Variants in DLG2 observed in about 807,000 individuals in gnomAD.
DLG2 encodes the protein disks large homolog 2.
DLG2 carries 45 observed loss-of-function variants against 132.5 expected under a neutral mutation model. The ratio of observed to expected loss-of-function variants is 0.34; its 90% CI spans 0.27 to 0.44. DLG2 has a LOEUF of 0.44. Among genes scored for constraint, DLG2 ranks in the 20% least tolerant of loss-of-function variants. The pLI, the probability that DLG2 is intolerant of heterozygous loss-of-function variation, is 1.00. For missense variants in DLG2, 1,045 were observed against 1,196.9 expected (o/e 0.87, Z 1.87); for synonymous variants, 424 against 419.6 (o/e 1.01, Z -0.13).
chr11:84,335,886 T>C (rs972241605), intron 7 of DLG2, among the ~76,000 whole-genome samples: 10 of 152,214 alleles, frequency 6.6e-5, no homozygotes, highest in African/African-American at 2.4e-4. Context: ...ATGATGATTA[T>C]GATGAAAATG....
chr11:84,824,635 A>G (rs1037869693), intron 6 of DLG2, among the ~76,000 whole-genome samples: 1 of 151,844 alleles, frequency 6.6e-6, no homozygotes, highest in African/African-American at 2.4e-5. Context: ...ACTTGGTCAT[A>G]TTGTTCCCAT....
intron 10 of DLG2, among the ~76,000 whole-genome samples, chr11:84,078,912 A>AC (rs11460110): frequency 0.87 from 132,083 of 152,112 alleles, 57,634 homozygotes; most frequent in Middle Eastern, 0.95. Context: ...GGCATCTTAA[A>AC]TTAACATTGT....
intron 19 of DLG2, among the ~76,000 whole-genome samples, chr11:83,612,077 T>A (rs1197748552): frequency 6.6e-6 from 1 of 152,184 alleles, no homozygotes; most frequent in African/African-American, 2.4e-5. Context: ...TCCATTTGGA[T>A]CCCCATGGAG....
At chr11:85,333,464 A>C (rs993916740) in intron 3 of DLG2, among the ~76,000 whole-genome samples, 2 of 152,186 alleles carry the variant, frequency 1.3e-5, no homozygotes, top group African/African-American at 4.8e-5. Context: ...GACTTTCAGT[A>C]TTACATTAAA....
intron 7 of DLG2, among the ~76,000 whole-genome samples, chr11:84,396,458 C>A (rs1234075255): frequency 1.3e-5 from 2 of 152,186 alleles, no homozygotes; most frequent in Non-Finnish European, 2.9e-5. Flanking sequence ...CCAGACAGCA[C>A]AACATAATTT....
chr11:84,569,496 A>C (rs2099471893), intron 6 of DLG2, among the ~76,000 whole-genome samples: 1 of 152,204 alleles, frequency 6.6e-6, no homozygotes, highest in African/African-American at 2.4e-5. Flanking sequence ...TAAAATTTGG[A>C]AAACAATACA....
At chr11:85,093,146 A>G (rs533741756) in intron 6 of DLG2, among the ~76,000 whole-genome samples, 1 of 152,246 alleles carries the variant, frequency 6.6e-6, no homozygotes, top group East Asian at 1.9e-4. Context: ...TTGTTACACT[A>G]GAAGAACTTC....
intron 7 of DLG2, among the ~76,000 whole-genome samples, chr11:84,426,899 G>T (rs567728341): frequency 6.6e-6 from 1 of 152,224 alleles, no homozygotes; most frequent in African/African-American, 2.4e-5. Context: ...AAGGCTGGGA[G>T]CAGGGGGACA....
intron 6 of DLG2, among the ~76,000 whole-genome samples, chr11:84,928,567 G>C (rs1464087368): frequency 6.6e-6 from 1 of 151,848 alleles, no homozygotes; most frequent in East Asian, 1.9e-4. Context: ...CTTTTGACTG[G>C]CTTCTTTTAA....
intron 3 of DLG2, among the ~76,000 whole-genome samples, chr11:85,425,662 G>T (rs138953409): frequency 1.3e-5 from 2 of 152,018 alleles, no homozygotes; most frequent in African/African-American, 4.8e-5. Flanking sequence ...GGGGGTGGAG[G>T]CAAGATGGCC....
chr11:85,465,307 A>AT (rs1178016511), intron 3 of DLG2, among the ~76,000 whole-genome samples: 3 of 149,744 alleles, frequency 2.0e-5, no homozygotes, highest in East Asian at 2.0e-4. Flanking sequence ...CAACTGGCTA[A>AT]TTTTTTTTTA....
At chr11:84,831,735 C>A (rs1365605965) in intron 6 of DLG2, among the ~76,000 whole-genome samples, 1 of 151,630 alleles carries the variant, frequency 6.6e-6, no homozygotes, top group East Asian at 1.9e-4. Context: ...CACGCCCCTT[C>A]AATATTTAAA....
At chr11:84,580,526 G>A (rs537252040) in intron 6 of DLG2, among the ~76,000 whole-genome samples, 1 of 152,228 alleles carries the variant, frequency 6.6e-6, no homozygotes, top group Non-Finnish European at 1.5e-5. Flanking sequence ...GTGTGATTTG[G>A]GTCCCAGTGA....
intron 2 of DLG2, among the ~76,000 whole-genome samples, chr11:85,604,790 C>A (rs2153237121): frequency 6.6e-6 from 1 of 152,240 alleles, no homozygotes; most frequent in East Asian, 1.9e-4. Context: ...AATCATGTGT[C>A]TGTTAATTAA....
intron 4 of DLG2, among the ~76,000 whole-genome samples, chr11:85,222,376 C>T (rs992056836): frequency 6.6e-6 from 1 of 152,102 alleles, no homozygotes; most frequent in Non-Finnish European, 1.5e-5. Context: ...TTAGGAAGTA[C>T]CTACTCCACT....
Position 84,253,666 on chromosome 11 carries a change from C to A in DLG2, c.520-2375G>T, listed in dbSNP as rs534302358. 2.0e-5 allele frequency among the ~76,000 whole-genome samples: 3 copies of A among 152,160 alleles called. No individual in the cohort carries two copies. In the South Asian group the frequency reaches 6.2e-4, roughly 32 times the overall value. ...TTACTGCTTATTAAGTATGTATTAC[C>A]ATTTATTAAATATATACATAAGCAT... On this transcript the variant is annotated intron_variant, in intron 7 of 27. Coordinates refer to ENST00000376104, the MANE Select transcript of DLG2 (RefSeq NM_001142699.3).
At chr11:84,280,822 C>CGAGTAGTAGCT (rs1291017645) in intron 7 of DLG2, among the ~76,000 whole-genome samples, 3 of 150,220 alleles carry the variant, frequency 2.0e-5, no homozygotes, top group Non-Finnish European at 4.4e-5. Context: ...CTCAGCCTCC[C>CGAGTAGTAGCT]GAGTAGTAGC....
chr11:83,557,875 A>C lies in DLG2; in HGVS notation c.1941-16017T>G, dbSNP rs561760222. Among the ~76,000 whole-genome samples the C allele has an allele frequency of 2.6e-5, 4 of 152,278 alleles. No individual in the cohort carries two copies. The East Asian group carries it at 7.7e-4, about 29-fold the overall frequency. On this transcript the variant is annotated intron_variant, in intron 19 of 27. Coordinates refer to ENST00000376104, the MANE Select transcript of DLG2 (RefSeq NM_001142699.3). ...AGTTAATCAAGGCAGACTGTTTGTC[A>C]AGGAAGAGGCTCATTGCCTAGGACA...
chr11:84,303,620 A>C (rs2098181689), intron 7 of DLG2, among the ~76,000 whole-genome samples: 1 of 152,166 alleles, frequency 6.6e-6, no homozygotes, highest in Non-Finnish European at 1.5e-5. Context: ...AAACTATAGT[A>C]CTCTACCTTT....
Sources: gnomAD v4.1 joint callset for allele counts (sites outside exome capture counted in the v4.1 genomes callset) on GRCh38, gnomAD v4.1.1 for gene constraint, MANE v1.5 for transcripts, NCBI Gene and HGNC (gene_info 2026-07-23, HGNC 2026-07-21) for gene names.